TREM2: variants seen among roughly 807,000 people sequenced by gnomAD.
TREM2 encodes the protein triggering receptor expressed on myeloid cells 2, also known as triggering receptor expressed on monocytes 2.
TREM2 carries 20 observed loss-of-function variants against 22.9 expected under a neutral mutation model. The observed-to-expected ratio is 0.87, with a 90% CI of 0.61 to 1.27. TREM2 has a LOEUF of 1.27. TREM2 is among the 50% of genes most tolerant of loss of function. TREM2 has a pLI of 0.00. For missense variants in TREM2, 267 were observed against 289.0 expected (o/e 0.92, Z 0.55); for synonymous variants, 111 against 120.9 (o/e 0.92, Z 0.54).
rs1765489997 is a variant in TREM2, at chr6:41,159,004, A to T, written c.545T>A (p.Ile182Asn). Residue 182 changes from isoleucine to asparagine, a missense_variant, in exon 4 of 5, where the codon ATC (isoleucine) becomes AAC (asparagine). Physicochemically the swap from Ile to Asn is moderately radical, Grantham distance 149. Coordinates refer to ENST00000373113, the MANE Select transcript of TREM2 (RefSeq NM_018965.4). ...PTSILLLLAC[I>N]FLIKILAASA... ...GGCTGCTAGAATCTTGATGAGAAAG[A>T]TGCAGGCCAGGAGGAGAAGGATGGA... The T allele has an allele frequency of 6.2e-7, 1 of 1,614,182 alleles. No homozygotes were observed. Among genetic ancestry groups the T allele is most frequent in the Non-Finnish European group, 8.5e-7 (1 of 1,180,022 alleles).
At chr6:41,160,867 G>A (rs984421670) in intron 2 of TREM2, among the ~76,000 whole-genome samples, 5 of 152,194 alleles carry the variant, frequency 3.3e-5, no homozygotes, top group Admixed American at 3.3e-4. Context: ...TGGTTGGTGA[G>A]GGAATAAATT....
Position 41,161,561 on chromosome 6 carries a change from G to A in TREM2, c.93C>T (p.Ser31=), listed in dbSNP as rs1171938694. Reference sequence around the variant, plus strand: ...AGTCATAGGGGCAAGACACCTGCAGGGACTGGCCCGCCACGCCCTGGAACA... The same window carrying A: ...AGTCATAGGGGCAAGACACCTGCAGAGACTGGCCCGCCACGCCCTGGAACA... ...TTVFQGVAGQ[S]LQVSCPYDSM... is the part of the protein sequence containing the mutation. Residue 31 remains serine (S), a synonymous_variant, in exon 2 of 5, where the codon TCC becomes TCT. Transcript: ENST00000373113. 3 of 1,614,072 alleles carry A rather than the reference G, an allele frequency of 1.9e-6. No homozygotes were observed. The highest frequency in any genetic ancestry group is 1.7e-6 in the Non-Finnish European group (2 of 1,180,022).
rs1268616215 is a variant in TREM2, at chr6:41,158,698, C to T, written c.*66G>A. ...ACAAGGAGTCCTGGTGGCCAAGTGG[C>T]AAGTATGCAGGCTGGGCTGGTCCCT... On this transcript the variant is annotated 3_prime_UTR_variant, in exon 5 of 5. Transcript: ENST00000373113. 6.2e-7 allele frequency: 1 copy of T among 1,614,132 alleles called. No individual in the cohort carries two copies. Among genetic ancestry groups the T allele is most frequent in the South Asian group, 1.1e-5 (1 of 91,064 alleles).
intron 2 of TREM2, among the ~76,000 whole-genome samples, chr6:41,160,670 C>T (rs1002087034): frequency 6.6e-6 from 1 of 152,116 alleles, no homozygotes; most frequent in Non-Finnish European, 1.5e-5. Flanking sequence ...CCCAACGCCC[C>T]CCGCCAAATA....
intron 1 of TREM2, among the ~76,000 whole-genome samples, chr6:41,162,764 A>G (rs1440705851): frequency 6.6e-6 from 1 of 152,112 alleles, no homozygotes; most frequent in Non-Finnish European, 1.5e-5. Context: ...CTGGGATGCC[A>G]CTGTTAGCAC....
intron 2 of TREM2, 94 bp from the exon 3 acceptor site, chr6:41,159,976 C>A (rs1765519248): frequency 1.1e-6 from 1 of 934,182 alleles, no homozygotes; most frequent in Admixed American, 2.0e-5. Flanking sequence ...GGGTGAGGTC[C>A]CCTGGGCACT....
rs920319838 is a variant in TREM2 at position 41,162,014 on chromosome 6, G to A, written c.41-401C>T. On this transcript the variant is annotated intron_variant, in intron 1 of 4. Transcript: ENST00000373113. ...CTCTGCAGCCGCCCACATTGGTACCGACTTTCCTGACCTTTAACTTCCAGC... is the reference window on the plus strand; with the variant it reads ...CTCTGCAGCCGCCCACATTGGTACCAACTTTCCTGACCTTTAACTTCCAGC... Among the ~76,000 whole-genome samples, 7 of 152,186 alleles carry A rather than the reference G, an allele frequency of 4.6e-5. No homozygotes were observed. In the South Asian group the frequency reaches 6.2e-4, roughly 14 times the overall value.
rs1425755566 is a variant in TREM2, at chr6:41,161,410, T to A, written c.244A>T (p.Thr82Ser). The A allele has an allele frequency of 2.5e-6, 4 of 1,614,274 alleles. No individual in the cohort carries two copies. The highest frequency in any genetic ancestry group is 1.1e-5 in the South Asian group (1 of 91,090). The change falls in exon 2 of 5, where the codon ACA (threonine) becomes TCA (serine). Residue 82 changes from threonine (T) to serine (S), a missense_variant. Thr to Ser is a moderately conservative substitution (Grantham distance 58). Coordinates refer to ENST00000373113, the MANE Select transcript of TREM2 (RefSeq NM_018965.4). ...LSFLRRWNGS[T>S]AITDDTLGGT... is the part of the protein sequence containing the mutation. Reference sequence around the variant, plus strand: ...CCCAGGGTATCGTCTGTGATGGCTGTGCTCCCATTCCACCTCCTCAGGAAG... The same window carrying A: ...CCCAGGGTATCGTCTGTGATGGCTGAGCTCCCATTCCACCTCCTCAGGAAG...
intron 1 of TREM2, 62 bp from the exon 2 acceptor site, chr6:41,161,675 T>C: frequency 7.0e-7 from 1 of 1,425,184 alleles, no homozygotes; most frequent in Non-Finnish European, 9.7e-7. Flanking sequence ...ACTTGCTCTG[T>C]GCAGTGACCT....
intron 3 of TREM2, 180 bp from the exon 4 acceptor site, chr6:41,159,246 G>T (rs1424743353): frequency 2.8e-6 from 2 of 714,286 alleles, no homozygotes; most frequent in Non-Finnish European, 4.7e-6. Context: ...TGAGTTCTAG[G>T]CATGCTCTGC....
At chr6:41,158,803 G>A in intron 4 of TREM2, 23 bp from the exon 5 acceptor site, 1 of 1,614,206 alleles carries the variant, frequency 6.2e-7, no homozygotes, top group Non-Finnish European at 8.5e-7. Flanking sequence ...AAGGACTCAT[G>A]TGGCCCCTCT....
chr6:41,159,872 ATCCAGGGGG>A lies in TREM2; in HGVS notation c.393_401del (p.Pro132_Asp134del). 1 of 1,613,900 alleles carries A rather than the reference ATCCAGGGGG, an allele frequency of 6.2e-7. No homozygotes were observed. The highest frequency in any genetic ancestry group is 8.5e-7 in the Non-Finnish European group (1 of 1,179,956). On this transcript the variant is annotated inframe_deletion and splice_region_variant, in exon 3 of 5. Coordinates refer to ENST00000373113, the MANE Select transcript of TREM2 (RefSeq NM_018965.4). ...ACCAGAGATCTCCAGCATCCCGGTG[ATCCAGGGGG>A]TCTATGGGAGGCAGAGCCATGAGCC...
intron 2 of TREM2, 39 bp from the exon 3 acceptor site, chr6:41,159,921 C>G: frequency 6.3e-7 from 1 of 1,584,096 alleles, no homozygotes; most frequent in Non-Finnish European, 8.7e-7. Flanking sequence ...GCCCCTTCCT[C>G]CTCGAGGCAG....
In TREM2 at chr6:41,158,629, AG is replaced by A; in HGVS notation, c.*134del. On this transcript the variant is annotated 3_prime_UTR_variant, in exon 5 of 5. Transcript: ENST00000373113. ...CAACCAGTCCCTGCTTCCAGGGTCC[AG>A]GAGAAGCAGTGTTCAGGCAGAGTAG... 6.3e-7 allele frequency: 1 copy of A among 1,586,456 alleles called. No individual in the cohort carries two copies. Among genetic ancestry groups the A allele is most frequent in the Non-Finnish European group, 8.6e-7 (1 of 1,165,436 alleles).
intron 3 of TREM2, among the ~76,000 whole-genome samples, chr6:41,159,561 C>T (rs757437789): frequency 2.6e-5 from 4 of 152,168 alleles, no homozygotes; most frequent in Non-Finnish European, 5.9e-5. Flanking sequence ...AGAGCAACTG[C>T]TCTTTACAAA....
chr6:41,161,037 C>T (rs1765550175), intron 2 of TREM2, among the ~76,000 whole-genome samples: 1 of 152,222 alleles, frequency 6.6e-6, no homozygotes, highest in South Asian at 2.1e-4. Context: ...TGCAGCTCTG[C>T]ACCAGGGAAC....
rs577079921 is a variant in TREM2, at chr6:41,158,868, C to T, written c.676+5G>A. 2 of 1,614,248 alleles carry T rather than the reference C, an allele frequency of 1.2e-6. No individual in the cohort carries two copies. The highest frequency in any genetic ancestry group is 2.2e-5 in the East Asian group (1 of 44,888). ...ACCCTTGATGGCTGTGCTCTCCAAG[C>T]CCACCTGGCAGAGTTTGGAGCTGAT... On this transcript the variant is annotated splice_donor_5th_base_variant and intron_variant, in intron 4 of 4. Coordinates refer to ENST00000373113, the MANE Select transcript of TREM2 (RefSeq NM_018965.4).
At chr6:41,160,985 G>A (rs1228387219) in intron 2 of TREM2, among the ~76,000 whole-genome samples, 1 of 152,218 alleles carries the variant, frequency 6.6e-6, no homozygotes, top group Non-Finnish European at 1.5e-5. Context: ...TTCACAGAGT[G>A]CCTTAATGCA....
At position 41,159,036 on chromosome 6, in the gene TREM2, T is replaced by TG. The variant is rs1274906434; in HGVS notation, c.512dup (p.Pro172ThrfsTer39). The TG allele has an allele frequency of 3.1e-6, 5 of 1,613,906 alleles. No individual in the cohort carries two copies. ...CCAGGAGGAGAAGGATGGAAGTGGG[T>TG]GGGAAGGGGATTTCTCCTTCCAAGA... On this transcript the variant is annotated frameshift_variant, in exon 4 of 5. Transcript: ENST00000373113. LOFTEE classifies it high-confidence loss of function.
Sources: gnomAD v4.1 joint callset for allele counts (sites outside exome capture counted in the v4.1 genomes callset) on GRCh38, gnomAD v4.1.1 for gene constraint, MANE v1.5 for transcripts, NCBI Gene and HGNC (gene_info 2026-07-23, HGNC 2026-07-21) for gene names.